The following RBM45 variants were observed in gnomAD, a reference collection of about 807,000 sequenced individuals.
The protein encoded by RBM45 is RNA binding motif protein 45.
A neutral mutation model predicts 58.5 loss-of-function variants in RBM45; 39 were observed. The ratio of observed to expected loss-of-function variants is 0.67; its 90% CI spans 0.52 to 0.87. The LOEUF is 0.87. RBM45 is among the 40% of genes least tolerant of loss of function. RBM45 has a pLI of 0.00. For synonymous variants in RBM45, 193 were observed against 203.0 expected (o/e 0.95, Z 0.42); for missense variants, 481 against 581.6 (o/e 0.83, Z 1.78).
chr2:178,125,925 T>G (rs1435774126), intron 8 of RBM45, 59 bp from the exon 9 acceptor site: 2 of 1,420,822 alleles, frequency 1.4e-6, no homozygotes, highest in East Asian at 2.3e-5. Context: ...CTCCAAATTT[T>G]AGACCTGAGC....
rs1415455363 is a variant in RBM45 at position 178,115,759 on chromosome 2, G to A, written c.301-503G>A. On this transcript the variant is annotated intron_variant, in intron 1 of 9. Coordinates refer to ENST00000286070, the MANE Select transcript of RBM45 (RefSeq NM_152945.4). ...CTTGTTTATGGTGTTTTAATTAATT[G>A]TATTACGTTTCTTCAAATTACTCTG... Among the ~76,000 whole-genome samples the A allele has an allele frequency of 5.9e-5, 9 of 152,056 alleles. No individual in the cohort carries two copies. The East Asian group carries it at 9.6e-4, about 16-fold the overall frequency.
At chr2:178,125,240 G>A (rs936044259) in intron 8 of RBM45, among the ~76,000 whole-genome samples, 1 of 152,178 alleles carries the variant, frequency 6.6e-6, no homozygotes, top group African/African-American at 2.4e-5. Context: ...AAGTACAAGA[G>A]ACATGTAAAC....
intron 8 of RBM45, 112 bp downstream of exon 8, chr2:178,124,402 C>T: frequency 5.2e-6 from 3 of 578,490 alleles, no homozygotes; most frequent in Non-Finnish European, 5.5e-6. Context: ...TATTAGTTCT[C>T]TGCTTTTAAA....
At chr2:178,120,233 T>C (rs1166810098) in intron 3 of RBM45, 54 bp from the exon 4 acceptor site, 1 of 1,606,116 alleles carries the variant, frequency 6.2e-7, no homozygotes, top group African/African-American at 1.3e-5. Context: ...ATCAAGTATA[T>C]TTGCAGGTAT....
chr2:178,130,678 G>A (rs1048951811), downstream of RBM45, among the ~76,000 whole-genome samples: 2 of 152,054 alleles, frequency 1.3e-5, no homozygotes, highest in Non-Finnish European at 2.9e-5. Context: ...TTTATAAAAA[G>A]GTATTATAAA....
intron 5 of RBM45, among the ~76,000 whole-genome samples, 173 bp downstream of exon 5, chr2:178,121,532 A>G (rs1003542047): frequency 1.9e-4 from 29 of 151,492 alleles, no homozygotes; most frequent in African/African-American, 5.8e-4. Context: ...CTTTTTCTCT[A>G]CTTTAGAATT....
chr2:178,134,808 C>T (rs912491349), intron 3 of RBM45, among the ~76,000 whole-genome samples: 1 of 152,028 alleles, frequency 6.6e-6, no homozygotes, highest in East Asian at 1.9e-4. Flanking sequence ...CCTGGCCAAC[C>T]TGGTAAATCC....
At chr2:178,117,995 T>C in intron 2 of RBM45, 60 bp from the exon 3 acceptor site, 1 of 1,396,294 alleles carries the variant, frequency 7.2e-7, no homozygotes, top group East Asian at 2.4e-5. Flanking sequence ...TTTTTAGTTC[T>C]GAAATACTCT....
At chr2:178,133,147 G>A (rs2088018622), downstream of RBM45, among the ~76,000 whole-genome samples, 1 of 152,144 alleles carries the variant, frequency 6.6e-6, no homozygotes, top group South Asian at 2.1e-4. Context: ...TTAGAATTAA[G>A]CATCTGGTTT....
chr2:178,128,566 C>T lies in RBM45; in HGVS notation c.*9-831C>T, dbSNP rs557000418. ...AAATACCACATTTTTCCCTTAAACT[C>T]ATCCAATTTCCTACATCAGAGGAAT... On this transcript the variant is annotated intron_variant, in intron 9 of 9. Coordinates refer to ENST00000286070, the MANE Select transcript of RBM45 (RefSeq NM_152945.4). Among the ~76,000 whole-genome samples the T allele has an allele frequency of 6.6e-5, 10 of 152,310 alleles. No homozygotes were observed. The South Asian group carries it at 2.1e-3, about 32-fold the overall frequency.
rs762638176 is a variant in RBM45, at chr2:178,120,421, A to C, written c.673+12A>C. On this transcript the variant is annotated intron_variant, in intron 4 of 9. Transcript: ENST00000286070. ...TATGTTTCCATTTGGTAAGTAGGCA[A>C]CCTTTACTTTTAATAGTATAATGTA... 6.2e-7 allele frequency: 1 copy of C among 1,605,086 alleles called. No individual in the cohort carries two copies. The highest frequency in any genetic ancestry group is 2.2e-5 in the East Asian group (1 of 44,730).
Position 178,116,357 on chromosome 2 carries a change from A to C in RBM45, c.396A>C (p.Thr132=). Residue 132 remains threonine (T), a synonymous_variant, in exon 2 of 10, where the codon ACA becomes ACC. Transcript: ENST00000286070. ...TTGTTATGATACCAAAGTCCTACAC[A>C]GAAGAAGATCTGCGGGAAAAATTTA... The part of the protein sequence containing the change: ...RIFVMIPKSY[T]EEDLREKFKV... 6.2e-7 allele frequency: 1 copy of C among 1,606,220 alleles called. No individual in the cohort carries two copies. The highest frequency in any genetic ancestry group is 8.5e-7 in the Non-Finnish European group (1 of 1,177,874).
downstream of RBM45, among the ~76,000 whole-genome samples, chr2:178,132,812 TC>T (rs1341079669): frequency 1.3e-5 from 2 of 152,198 alleles, no homozygotes; most frequent in Non-Finnish European, 2.9e-5. Context: ...GGTCTCAAAC[TC>T]CTGACCTCAG....
intron 1 of RBM45, among the ~76,000 whole-genome samples, chr2:178,115,905 C>T (rs900431383): frequency 6.6e-6 from 1 of 152,090 alleles, no homozygotes; most frequent in African/African-American, 2.4e-5. Context: ...GTAATCCCAG[C>T]ACTTTGGAAG....
At chr2:178,120,174 GA>G in intron 3 of RBM45, 112 bp from the exon 4 acceptor site, 3 of 1,378,040 alleles carry the variant, frequency 2.2e-6, no homozygotes, top group Non-Finnish European at 3.0e-6. Context: ...CCATTGTATA[GA>G]TTTTGCTTTG....
At chr2:178,119,695 A>G (rs1318131193) in intron 3 of RBM45, among the ~76,000 whole-genome samples, 2 of 152,212 alleles carry the variant, frequency 1.3e-5, no homozygotes, top group Non-Finnish European at 2.9e-5. Flanking sequence ...TGAACCCTTG[A>G]AATATGCCCA....
At chr2:178,121,389 T>C in intron 5 of RBM45, 30 bp downstream of exon 5, 1 of 901,478 alleles carries the variant, frequency 1.1e-6, no homozygotes, top group Non-Finnish European at 1.5e-6. Flanking sequence ...AAAAAATATA[T>C]ATATATGTAT....
chr2:178,123,336 T>A (rs750375770), intron 5 of RBM45, among the ~76,000 whole-genome samples, 186 bp from the exon 6 acceptor site: 3 of 152,218 alleles, frequency 2.0e-5, no homozygotes, highest in Non-Finnish European at 2.9e-5. Flanking sequence ...TATTTCTTCC[T>A]TTTCTAGGAA....
chr2:178,123,602 G>A lies in RBM45; in HGVS notation c.934G>A (p.Gly312Arg). Reference protein sequence around the residue: ...YKLHGFQYPPGNRIGVSFIDD... With the variant: ...YKLHGFQYPPRNRIGVSFIDD... ...ATTACATGGATTTCAGTACCCTCCT[G>A]GGAACCGAATAGGTGTTTCCTTCAT... The change falls in exon 6 of 10, where the codon GGG becomes AGG. Residue 312 changes from glycine to arginine, a missense_variant. Coordinates refer to ENST00000286070, the MANE Select transcript of RBM45 (RefSeq NM_152945.4). 3.1e-6 allele frequency: 5 copies of A among 1,610,058 alleles called. No homozygotes were observed. The highest frequency in any genetic ancestry group is 4.2e-6 in the Non-Finnish European group (5 of 1,178,820).
Sources: allele counts gnomAD v4.1 joint callset (sites outside exome capture counted in the v4.1 genomes callset), GRCh38; gene constraint gnomAD v4.1.1; transcripts MANE v1.5; gene names NCBI Gene and HGNC (gene_info 2026-07-23, HGNC 2026-07-21).